Variants in ATXN1 observed in about 807,000 individuals in gnomAD.
ATXN1 encodes the protein ataxin-1.
Under a neutral mutation model 56.4 loss-of-function variants are expected in ATXN1, and 8 were observed. The ratio of observed to expected loss-of-function variants is 0.14; its 90% CI spans 0.08 to 0.26. The LOEUF (loss-of-function observed/expected upper bound fraction) is 0.26. ATXN1 is among the 10% of genes least tolerant of loss of function. ATXN1 has a pLI of 1.00. For synonymous variants in ATXN1, 514 were observed against 494.6 expected, an observed-to-expected ratio of 1.04 and a Z score of -0.52; for missense variants, 987 against 1,106.5, an observed-to-expected ratio of 0.89 and a Z score of 1.53.
At chr6:16,623,906 C>G (rs940077632) in intron 3 of ATXN1, among the ~76,000 whole-genome samples, 3 of 152,126 alleles carry the variant, frequency 2.0e-5, no homozygotes, top group African/African-American at 7.2e-5. Flanking sequence ...ATAAGCCAGT[C>G]ATAAAAGGAC....
chr6:16,596,747 C>T (rs1286568538), intron 3 of ATXN1, among the ~76,000 whole-genome samples: 1 of 152,194 alleles, frequency 6.6e-6, no homozygotes, highest in African/African-American at 2.4e-5. Flanking sequence ...TCAAATACTA[C>T]AGCAGCATTT....
At chr6:16,629,848 C>G (rs1395874352) in intron 3 of ATXN1, among the ~76,000 whole-genome samples, 1 of 149,486 alleles carries the variant, frequency 6.7e-6, no homozygotes, top group African/African-American at 2.5e-5. Flanking sequence ...ACCCAGGAGG[C>G]AGAGGTTGCA....
At chr6:16,615,336 G>C (rs1328951466) in intron 3 of ATXN1, 2 of 151,420 alleles carry the variant, frequency 1.3e-5, no homozygotes, top group African/African-American at 2.4e-5. Context: ...AAGTAGAGAG[G>C]AAAGGAATGG....
intron 3 of ATXN1, among the ~76,000 whole-genome samples, chr6:16,646,960 T>C (rs908828125): frequency 6.6e-6 from 1 of 152,198 alleles, no homozygotes; most frequent in Non-Finnish European, 1.5e-5. Flanking sequence ...TTTTGAAAGC[T>C]TTACGTGCAT....
chr6:16,336,552 T>G (rs1277281466), intron 6 of ATXN1, among the ~76,000 whole-genome samples: 1 of 151,634 alleles, frequency 6.6e-6, no homozygotes, highest in Non-Finnish European at 1.5e-5. Flanking sequence ...GCCATAGGAG[T>G]GGTGAGACTG....
At chr6:16,441,657 T>C (rs1759519226) in intron 6 of ATXN1, among the ~76,000 whole-genome samples, 2 of 151,562 alleles carry the variant, frequency 1.3e-5, no homozygotes, top group African/African-American at 2.4e-5. Context: ...AGAAAAGAAA[T>C]AGTTGGATAG....
At chr6:16,602,353 T>C (rs150793945) in intron 3 of ATXN1, among the ~76,000 whole-genome samples, 5 of 152,154 alleles carry the variant, frequency 3.3e-5, no homozygotes, top group African/African-American at 9.7e-5. Flanking sequence ...CCAAAAAAAA[T>C]CCATACTTTA....
chr6:16,709,289 C>T (rs974087579), intron 2 of ATXN1, among the ~76,000 whole-genome samples: 3 of 151,986 alleles, frequency 2.0e-5, no homozygotes, highest in Non-Finnish European at 4.4e-5. Context: ...TTACTAAAAA[C>T]TTTATGTCAA....
In ATXN1 at chr6:16,585,918, A is replaced by G. The variant is rs1233125180; in HGVS notation, c.-488-11T>C. On this transcript the variant is annotated splice_polypyrimidine_tract_variant and intron_variant, in intron 3 of 7. Coordinates refer to ENST00000436367, the MANE Select transcript of ATXN1 (RefSeq NM_001128164.2). ...GTAAAACGCCTAGACCTGTAATTAT[A>G]AAAACAATATTCTCACTGAGTTAGG... 6.6e-6 allele frequency: 1 copy of G among 152,188 alleles called. No individual in the cohort carries two copies. Among genetic ancestry groups the G allele is most frequent in the Non-Finnish European group, 1.5e-5 (1 of 68,038 alleles). The allele number at this position is 152,188 out of a possible 1,614,324, so 9.4% of individuals were successfully genotyped here. A position where few individuals can be genotyped will look rare whatever the true frequency, so the allele number is the denominator to read the frequency against.
In ATXN1 at chr6:16,329,333, C is replaced by T. The variant is rs558224430; in HGVS notation, c.-160-863G>A. Among the ~76,000 whole-genome samples, 8 of 152,202 alleles carry T rather than the reference C, an allele frequency of 5.3e-5. No homozygotes were observed. In the East Asian group the frequency reaches 9.7e-4, roughly 18 times the overall value. On this transcript the variant is annotated intron_variant, in intron 6 of 7. Coordinates refer to ENST00000436367, the MANE Select transcript of ATXN1 (RefSeq NM_001128164.2). ...TTTCTGAATCCTCATCTGCCAGAGC[C>T]ACTACTCTCCAAGATTCCCCTTAGC... is the stretch of plus-strand genomic sequence containing the variant.
chr6:16,584,899 G>A (rs1762595572), intron 4 of ATXN1, among the ~76,000 whole-genome samples: 1 of 152,054 alleles, frequency 6.6e-6, no homozygotes, highest in Non-Finnish European at 1.5e-5. Context: ...TTTGTAATGG[G>A]AACTAATACA....
At position 16,601,573 on chromosome 6, in the gene ATXN1, G is replaced by A. The variant is rs1296454787; in HGVS notation, c.-488-15666C>T. ...CACTTAAAATCTATTTATTTCAGCTGTGCGCAGTGGCTCACGCCTGTAATC... is the reference window on the plus strand; with the variant it reads ...CACTTAAAATCTATTTATTTCAGCTATGCGCAGTGGCTCACGCCTGTAATC... On this transcript the variant is annotated intron_variant, in intron 3 of 7. Transcript: ENST00000436367. Among the ~76,000 whole-genome samples the A allele has an allele frequency of 3.3e-5, 5 of 152,136 alleles. No individual in the cohort carries two copies. The East Asian group carries it at 9.7e-4, about 29-fold the overall frequency.
In ATXN1 at chr6:16,300,402, T is replaced by C. The variant is rs758461561; in HGVS notation, c.*5927A>G. ...AGGAGAAAGTTAGCTACCAGAACAG[T>C]TGCCTTCAACGAGAAGGGAGGGGAC... On this transcript the variant is annotated 3_prime_UTR_variant, in exon 8 of 8. Coordinates refer to ENST00000436367, the MANE Select transcript of ATXN1 (RefSeq NM_001128164.2). 1.3e-5 allele frequency: 2 copies of C among 152,606 alleles called. No homozygotes were observed. Among genetic ancestry groups the C allele is most frequent in the Non-Finnish European group, 2.9e-5 (2 of 68,026 alleles). The allele number at this position is 152,606 out of a possible 1,614,324, so 9.5% of individuals were successfully genotyped here.
At position 16,377,685 on chromosome 6, in the gene ATXN1, G is replaced by A. The variant is rs1011026727; in HGVS notation, c.-160-49215C>T. On this transcript the variant is annotated intron_variant, in intron 6 of 7. Transcript: ENST00000436367. ...CTGTACGCCTGTGTGCACAGGAGCG[G>A]GTGGTGTGAGGTGGCTGCTGACAGG... Among the ~76,000 whole-genome samples the A allele has an allele frequency of 2.6e-5, 4 of 152,282 alleles. 1 individual carries two copies. In the South Asian group the frequency reaches 8.3e-4, roughly 32 times the overall value.
chr6:16,667,721 A>G (rs1212174710), intron 2 of ATXN1, among the ~76,000 whole-genome samples: 1 of 152,178 alleles, frequency 6.6e-6, no homozygotes, highest in Non-Finnish European at 1.5e-5. Flanking sequence ...TATCCTTTTG[A>G]AGTGCTTTCT....
intron 6 of ATXN1, among the ~76,000 whole-genome samples, chr6:16,371,368 A>G (rs1762039598): frequency 6.6e-6 from 1 of 151,182 alleles, no homozygotes; most frequent in African/African-American, 2.4e-5. Context: ...TTCTCCAAGC[A>G]TGTGAATGAG....
chr6:16,739,145 C>T (rs1162988556), intron 2 of ATXN1: 2 of 136,588 alleles, frequency 1.5e-5, no homozygotes, highest in African/African-American at 5.5e-5. Flanking sequence ...TTAATATATA[C>T]ATTTTGGTTG....
intron 2 of ATXN1, among the ~76,000 whole-genome samples, chr6:16,662,334 T>C (rs561308515): frequency 1.3e-5 from 1 of 74,080 alleles, no homozygotes; most frequent in South Asian, 4.3e-4. Context: ...TCATCAAACT[T>C]CTTTTTTTTT....
intron 6 of ATXN1, among the ~76,000 whole-genome samples, chr6:16,468,472 A>G (rs1325777398): frequency 6.6e-6 from 1 of 152,190 alleles, no homozygotes; most frequent in Non-Finnish European, 1.5e-5. Context: ...TACAGGCGTG[A>G]GCCACCATGC....
Sources: gnomAD v4.1 joint callset for allele counts (sites outside exome capture counted in the v4.1 genomes callset) on GRCh38, gnomAD v4.1.1 for gene constraint, MANE v1.5 for transcripts, NCBI Gene and HGNC (gene_info 2026-07-23, HGNC 2026-07-21) for gene names.